The following GNAI3 variants were observed in gnomAD, a reference collection of about 807,000 sequenced individuals.
GNAI3 encodes the protein guanine nucleotide-binding protein G(i) subunit alpha-3.
Under a neutral mutation model 41.8 loss-of-function variants are expected in GNAI3, and 12 were observed. That is an observed-to-expected ratio of 0.29 (90% confidence interval 0.18 to 0.47). GNAI3 has a LOEUF of 0.47. GNAI3 is among the 20% of genes least tolerant of loss of function. The pLI, the probability that GNAI3 is intolerant of heterozygous loss-of-function variation, is 1.00. For synonymous variants in GNAI3, 132 were observed against 146.5 expected, an observed-to-expected ratio of 0.90 and a Z score of 0.71; for missense variants, 360 against 429.6, an observed-to-expected ratio of 0.84 and a Z score of 1.43.
intron 3 of GNAI3, among the ~76,000 whole-genome samples, chr1:109,575,568 A>ACT (rs1489550763): frequency 2.2e-5 from 2 of 89,640 alleles, no homozygotes; most frequent in Non-Finnish European, 4.0e-5. Context: ...TTGGAGACGG[A>ACT]CTCTCGCCCT....
At chr1:109,561,381 T>G (rs1648303804) in intron 1 of GNAI3, among the ~76,000 whole-genome samples, 1 of 152,204 alleles carries the variant, frequency 6.6e-6, no homozygotes, top group Non-Finnish European at 1.5e-5. Flanking sequence ...ATATCTTACA[T>G]AGCTATGGTA....
At chr1:109,577,053 T>C (rs1648765550) in intron 3 of GNAI3, among the ~76,000 whole-genome samples, 1 of 151,654 alleles carries the variant, frequency 6.6e-6, no homozygotes, top group East Asian at 1.9e-4. Flanking sequence ...AATAAGGTTA[T>C]TTGAATACGT....
intron 4 of GNAI3, among the ~76,000 whole-genome samples, chr1:109,581,348 C>T (rs1458618049): frequency 1.3e-5 from 2 of 151,684 alleles, no homozygotes; most frequent in Admixed American, 1.3e-4. Flanking sequence ...TATTCTTACT[C>T]ACTATAGTTC....
In GNAI3 at chr1:109,586,249, A is replaced by C. The variant is rs753661533; in HGVS notation, c.624A>C (p.Arg208=). The change falls in exon 6 of 9, where the codon CGA becomes CGC. Residue 208 remains arginine, a synonymous_variant. Transcript: ENST00000369851. ...ATGTAGGTGGCCAAAGATCAGAACG[A>C]AAAAAGTGGATTCACTGTTTTGAGG... The part of the protein sequence containing the change: ...MFDVGGQRSE[R]KKWIHCFEGV... 3 of 1,613,554 alleles carry C rather than the reference A, an allele frequency of 1.9e-6. No individual in the cohort carries two copies. The highest frequency in any genetic ancestry group is 2.5e-6 in the Non-Finnish European group (3 of 1,179,686).
At chr1:109,591,630 A>G (rs1649174641) in intron 7 of GNAI3, 1 of 445,728 alleles carries the variant, frequency 2.2e-6, no homozygotes. Context: ...ATGTGCTACC[A>G]AAGCAAGCAC....
chr1:109,580,838 C>T (rs1278291366), intron 4 of GNAI3, among the ~76,000 whole-genome samples: 2 of 152,216 alleles, frequency 1.3e-5, no homozygotes, highest in African/African-American at 4.8e-5. Flanking sequence ...TTGACCAAAA[C>T]ATTGTTATGC....
At chr1:109,578,291 C>T (rs1054687294) in intron 3 of GNAI3, among the ~76,000 whole-genome samples, 3 of 151,624 alleles carry the variant, frequency 2.0e-5, no homozygotes, top group Admixed American at 6.6e-5. Context: ...GCCAACATGG[C>T]GAAACCCCTC....
chr1:109,587,771 T>C (rs1392517824), intron 7 of GNAI3, among the ~76,000 whole-genome samples: 1 of 152,136 alleles, frequency 6.6e-6, no homozygotes, highest in Non-Finnish European at 1.5e-5. Context: ...GAAACTGTGC[T>C]TGAGAAAGAT....
intron 5 of GNAI3, 136 bp downstream of exon 5, chr1:109,582,701 G>A: frequency 3.6e-6 from 2 of 548,834 alleles, no homozygotes; most frequent in South Asian, 2.8e-5. Context: ...AGCATTGTTT[G>A]AATATTTTAA....
intron 1 of GNAI3, among the ~76,000 whole-genome samples, chr1:109,561,930 A>C (rs1179183449): frequency 6.6e-6 from 1 of 152,218 alleles, no homozygotes; most frequent in Non-Finnish European, 1.5e-5. Flanking sequence ...GGGAATAGTA[A>C]GCACAAAGAC....
chr1:109,579,832 AAG>A (rs1177694857), intron 4 of GNAI3, among the ~76,000 whole-genome samples: 1 of 152,236 alleles, frequency 6.6e-6, no homozygotes, highest in Non-Finnish European at 1.5e-5. Context: ...TTTGTATAGA[AAG>A]AGAAGGTTGA....
intron 1 of GNAI3, among the ~76,000 whole-genome samples, chr1:109,569,592 A>G (rs566676829): frequency 5.1e-4 from 77 of 152,318 alleles, no homozygotes; most frequent in Non-Finnish European, 1.0e-3. Flanking sequence ...AGTTGAGGTA[A>G]AAGTGAAGAG....
At chr1:109,552,765 A>T (rs1648012590) in intron 1 of GNAI3, among the ~76,000 whole-genome samples, 1 of 151,588 alleles carries the variant, frequency 6.6e-6, no homozygotes, top group African/African-American at 2.4e-5. Flanking sequence ...ATTTTTTTTC[A>T]CCAAGCTCTT....
intron 1 of GNAI3, among the ~76,000 whole-genome samples, chr1:109,552,881 C>T (rs959187258): frequency 7.9e-5 from 12 of 152,236 alleles, no homozygotes; most frequent in Non-Finnish European, 1.2e-4. Flanking sequence ...TTTGGATTCA[C>T]ACAAAACTGA....
intron 1 of GNAI3, among the ~76,000 whole-genome samples, chr1:109,550,190 T>C (rs533094208): frequency 2.0e-5 from 3 of 152,330 alleles, no homozygotes; most frequent in South Asian, 4.1e-4. Context: ...CCAAGACTTA[T>C]TTTGTACATT....
In GNAI3 at chr1:109,548,784, A is replaced by C. The variant is rs1185211300; in HGVS notation, c.64A>C (p.Asn22His). The C allele has an allele frequency of 6.2e-7, 1 of 1,613,412 alleles. No individual in the cohort carries two copies. Among genetic ancestry groups the C allele is most frequent in the Non-Finnish European group, 8.5e-7 (1 of 1,179,798 alleles). The change falls in exon 1 of 9, where the codon AAC (asparagine) becomes CAC (histidine). Residue 22 changes from asparagine to histidine, a missense_variant. By Grantham distance (68) the Asn-to-His change is moderately conservative. Transcript: ENST00000369851. ...GGAGCGAAGCAAGATGATCGACCGC[A>C]ACTTACGGGAGGACGGGGAAAAAGC... ...AVERSKMIDR[N>H]LREDGEKAAK...
chr1:109,548,936 AAGGGATCTGG>A, intron 1 of GNAI3, 98 bp downstream of exon 1: 1 of 770,532 alleles, frequency 1.3e-6, no homozygotes, highest in East Asian at 2.8e-5. Context: ...AAGGACCCTA[AAGGGATCTGG>A]AGGGCGTGCC....
In GNAI3 at chr1:109,548,820, G is replaced by A. The variant is rs2101084857; in HGVS notation, c.100G>A (p.Val34Met). The A allele has an allele frequency of 6.2e-7, 1 of 1,608,008 alleles. No individual in the cohort carries two copies. The highest frequency in any genetic ancestry group is 2.2e-5 in the East Asian group (1 of 44,768). Residue 34 changes from valine to methionine, a missense_variant, in exon 1 of 9, where the codon GTG becomes ATG. Transcript: ENST00000369851. ...GGACGGGGAAAAAGCGGCCAAAGAA[G>A]TGAAGCTGCTGCTACTCGGTGAGGG... ...REDGEKAAKE[V>M]KLLLLGAGES...
In GNAI3 at chr1:109,548,720, C is replaced by T. The variant is rs766441886; in HGVS notation, c.-1C>T. On this transcript the variant is annotated 5_prime_UTR_variant, in exon 1 of 9. Transcript: ENST00000369851. ...CCCGTGTCCCCTCTCCCGCCGCCGC[C>T]ATGGGCTGCACGTTGAGCGCCGAAG... 67 of 1,609,876 alleles carry T rather than the reference C, an allele frequency of 4.2e-5. 1 individual carries two copies. The Middle Eastern group carries it at 2.0e-3, about 48-fold the overall frequency.
Sources: allele counts gnomAD v4.1 joint callset (sites outside exome capture counted in the v4.1 genomes callset), GRCh38; gene constraint gnomAD v4.1.1; transcripts MANE v1.5; gene names NCBI Gene and HGNC (gene_info 2026-07-23, HGNC 2026-07-21).